Variants in RABEP1 observed in about 807,000 individuals in gnomAD.
The protein encoded by RABEP1 is rabaptin, RAB GTPase binding effector protein 1.
In RABEP1, 51 loss-of-function variants were observed where a neutral mutation model predicts 123.4. The observed-to-expected ratio is 0.41, with a 90% CI of 0.33 to 0.52. The LOEUF is 0.52. Ranked by LOEUF, RABEP1 falls within the 20% of genes least tolerant of loss-of-function variation. RABEP1 has a pLI of 0.16. For synonymous variants in RABEP1, 347 were observed against 355.2 expected (o/e 0.98, Z 0.26); for missense variants, 888 against 996.3 (o/e 0.89, Z 1.46).
chr17:5,361,959 C>T (rs913204874), intron 9 of RABEP1: 10 of 326,068 alleles, frequency 3.1e-5, no homozygotes, highest in African/African-American at 6.3e-5. Flanking sequence ...ACTAGCATTG[C>T]GGAATTTAAG....
intron 2 of RABEP1, among the ~76,000 whole-genome samples, chr17:5,313,971 T>C (rs573628787): frequency 6.6e-6 from 1 of 152,352 alleles, no homozygotes; most frequent in Admixed American, 6.5e-5. Flanking sequence ...ATCTAGTCTT[T>C]AATGATTGCC....
chr17:5,384,278 C>T lies in RABEP1; in HGVS notation c.*1055C>T, dbSNP rs1479711795. ...CTTGTCATTTTACAAGCATTAGATT[C>T]CTTTCCTGTGTGAAGAAAGCCTCAG... On this transcript the variant is annotated 3_prime_UTR_variant, in exon 18 of 18. Transcript: ENST00000537505. 4.7e-6 allele frequency: 1 copy of T among 213,796 alleles called. No homozygotes were observed. Among genetic ancestry groups the T allele is most frequent in the Non-Finnish European group, 9.4e-6 (1 of 105,930 alleles). The allele number at this position is 213,796 out of a possible 1,614,324, so 13.2% of individuals were successfully genotyped here.
At chr17:5,343,358 A>C (rs1907780120) in intron 5 of RABEP1, among the ~76,000 whole-genome samples, 1 of 152,192 alleles carries the variant, frequency 6.6e-6, no homozygotes, top group South Asian at 2.1e-4. Flanking sequence ...GTTCAAGACC[A>C]GCCAGCACAA....
chr17:5,298,523 A>G (rs2075103645), intron 1 of RABEP1, among the ~76,000 whole-genome samples: 1 of 152,202 alleles, frequency 6.6e-6, no homozygotes, highest in African/African-American at 2.4e-5. Flanking sequence ...GTGTATGTGC[A>G]TAATGCCTCG....
intron 1 of RABEP1, among the ~76,000 whole-genome samples, chr17:5,290,514 C>T (rs1294686496): frequency 6.6e-6 from 1 of 152,058 alleles, no homozygotes; most frequent in Non-Finnish European, 1.5e-5. Context: ...CGTTTATAAG[C>T]TTAAGAGAGC....
At chr17:5,336,709 C>T (rs1283880814) in intron 4 of RABEP1, 1 of 241,192 alleles carries the variant, frequency 4.1e-6, no homozygotes, top group African/African-American at 2.4e-5. Context: ...CTTCCTCCCT[C>T]CTTTTTTTTC....
chr17:5,344,495 G>A (rs1907895371), intron 5 of RABEP1, among the ~76,000 whole-genome samples: 3 of 152,032 alleles, frequency 2.0e-5, no homozygotes, highest in South Asian at 2.1e-4. Context: ...TAAAGTGGCC[G>A]AGCGCAGTGG....
chr17:5,329,829 AT>A (rs1394125555), intron 2 of RABEP1, among the ~76,000 whole-genome samples: 1 of 52,174 alleles, frequency 1.9e-5, no homozygotes, highest in Non-Finnish European at 3.5e-5. Flanking sequence ...ATATATATAT[AT>A]ATATATATAT....
At chr17:5,339,239 G>C (rs1907364095) in intron 5 of RABEP1, among the ~76,000 whole-genome samples, 1 of 152,090 alleles carries the variant, frequency 6.6e-6, no homozygotes, top group African/African-American at 2.4e-5. Context: ...CAATAGTCTT[G>C]GTAAATGTAA....
At chr17:5,299,685 T>C (rs1234943990) in intron 1 of RABEP1, among the ~76,000 whole-genome samples, 1 of 150,880 alleles carries the variant, frequency 6.6e-6, no homozygotes, top group Non-Finnish European at 1.5e-5. Context: ...TTCAAGCTGC[T>C]CTCTGCACTC....
chr17:5,344,338 T>A (rs1907880218), intron 5 of RABEP1, among the ~76,000 whole-genome samples: 1 of 152,028 alleles, frequency 6.6e-6, no homozygotes, highest in Non-Finnish European at 1.5e-5. Context: ...CTTGGGAGGC[T>A]GAGGCACAAG....
intron 1 of RABEP1, among the ~76,000 whole-genome samples, chr17:5,294,321 T>C (rs1477781064): frequency 1.3e-5 from 2 of 151,930 alleles, no homozygotes; most frequent in South Asian, 2.1e-4. Flanking sequence ...GAGGCGGAGG[T>C]TGCAGTGAGC....
At chr17:5,295,180 G>A (rs1018872860) in intron 1 of RABEP1, among the ~76,000 whole-genome samples, 6 of 151,368 alleles carry the variant, frequency 4.0e-5, no homozygotes, top group African/African-American at 1.5e-4. Context: ...TCAGGGGTTC[G>A]AGACCAGCCT....
At chr17:5,322,920 C>A (rs182348878) in intron 2 of RABEP1, among the ~76,000 whole-genome samples, 1 of 152,044 alleles carries the variant, frequency 6.6e-6, no homozygotes, top group African/African-American at 2.4e-5. Flanking sequence ...ACAAAAAATT[C>A]AAAAAATTAG....
intron 2 of RABEP1, among the ~76,000 whole-genome samples, chr17:5,319,361 AAC>A (rs1422489123): frequency 3.6e-4 from 52 of 146,232 alleles, no homozygotes; most frequent in African/African-American, 9.4e-4. Context: ...AAAAAAAAAA[AAC>A]ATATATATTT....
intron 1 of RABEP1, among the ~76,000 whole-genome samples, chr17:5,287,113 G>C (rs2074985969): frequency 6.6e-6 from 1 of 152,172 alleles, no homozygotes; most frequent in Admixed American, 6.5e-5. Context: ...AGTGTAGTAG[G>C]ATATGAGGTC....
At position 5,378,161 on chromosome 17, in the gene RABEP1, A is replaced by C; in HGVS notation, c.2216-16A>C. ...TAATAGATGAATGCTAATACATCTC[A>C]TTTTTTTCCTTCTAGCTTCTATTTC... On this transcript the variant is annotated splice_polypyrimidine_tract_variant and intron_variant, in intron 14 of 17. Coordinates refer to ENST00000537505, the MANE Select transcript of RABEP1 (RefSeq NM_004703.6). 1 of 1,553,554 alleles carries C rather than the reference A, an allele frequency of 6.4e-7. No individual in the cohort carries two copies. The highest frequency in any genetic ancestry group is 1.1e-5 in the South Asian group (1 of 88,630).
intron 13 of RABEP1, among the ~76,000 whole-genome samples, chr17:5,373,697 CACACACACACACACACACA>C (rs1910727983): frequency 1.4e-5 from 1 of 73,020 alleles, no homozygotes. Flanking sequence ...CAGCTAAACA[CACACACACACACACACACA>C]CACACACACA....
At chr17:5,364,276 A>T (rs1567545856) in intron 10 of RABEP1, 1 of 152,368 alleles carries the variant, frequency 6.6e-6, no homozygotes, top group Middle Eastern at 3.4e-3. Context: ...GAAAAAATAT[A>T]CAAAGAACAG....
Sources: allele counts gnomAD v4.1 joint callset (sites outside exome capture counted in the v4.1 genomes callset), GRCh38; gene constraint gnomAD v4.1.1; transcripts MANE v1.5; gene names NCBI Gene and HGNC (gene_info 2026-07-23, HGNC 2026-07-21).